TRIP11: variants seen among roughly 807,000 people sequenced by gnomAD.
TRIP11 encodes thyroid hormone receptor interactor 11, also known as thyroid receptor-interacting protein 11.
A neutral mutation model predicts 223.1 loss-of-function variants in TRIP11; 148 were observed. The ratio of observed to expected loss-of-function variants is 0.66; its 90% confidence interval spans 0.58 to 0.76. The LOEUF (loss-of-function observed/expected upper bound fraction) is 0.76. Among genes scored for constraint, TRIP11 ranks in the 30% least tolerant of loss-of-function variants. The pLI, the probability that TRIP11 is intolerant of heterozygous loss-of-function variation, is 0.00. For missense variants in TRIP11, 2,043 were observed against 2,222.0 expected, an observed-to-expected ratio of 0.92 and a Z score of 1.62; for synonymous variants, 762 against 772.6, an observed-to-expected ratio of 0.99 and a Z score of 0.23.
intron 1 of TRIP11, among the ~76,000 whole-genome samples, chr14:92,036,147 T>C (rs1412046543): frequency 6.6e-6 from 1 of 152,202 alleles, no homozygotes; most frequent in Non-Finnish European, 1.5e-5. Context: ...CAAGTTATAA[T>C]CTAATTTGTT....
At chr14:91,990,369 T>C (rs987244817) in intron 15 of TRIP11, among the ~76,000 whole-genome samples, 3 of 152,258 alleles carry the variant, frequency 2.0e-5, no homozygotes, top group African/African-American at 7.2e-5. Flanking sequence ...TTATTCTTTC[T>C]ACCAGTTGTT....
intron 7 of TRIP11, 102 bp downstream of exon 7, chr14:92,014,113 A>G: frequency 1.3e-6 from 2 of 1,485,520 alleles, no homozygotes; most frequent in Non-Finnish European, 1.8e-6. Flanking sequence ...TTCCAGGAAT[A>G]TGCCATTTCC....
At chr14:92,033,720 C>T (rs754129120) in intron 1 of TRIP11, among the ~76,000 whole-genome samples, 5 of 151,980 alleles carry the variant, frequency 3.3e-5, no homozygotes, top group East Asian at 1.9e-4. Flanking sequence ...GAGGGGTGTT[C>T]GGCTGAGTTA....
In TRIP11 at chr14:92,015,615, G is replaced by A. The variant is rs142148918; in HGVS notation, c.823+81C>T. 4.7e-4 allele frequency: 578 copies of A among 1,227,252 alleles called. 1 individual carries two copies. Among genetic ancestry groups the A allele is most frequent in the Middle Eastern group, 1.4e-3 (5 of 3,560 alleles). The allele number at this position is 1,227,252 out of a possible 1,614,324, so 76.0% of individuals were successfully genotyped here. The stretch of plus-strand genomic sequence containing the variant: ...GGAGGTTGCAGTGAGCCGAGATCGC[G>A]CCAGTGCACTCCAGCCTGGGCAACA... On this transcript the variant is annotated intron_variant, in intron 6 of 20. Transcript: ENST00000267622.
rs1401649986 is a variant in TRIP11, at chr14:92,004,495, T to G, written c.3481A>C (p.Asn1161His). 6.2e-6 allele frequency: 10 copies of G among 1,613,294 alleles called. No individual in the cohort carries two copies. Among genetic ancestry groups the G allele is most frequent in the Middle Eastern group, 1.6e-4 (1 of 6,084 alleles). ...GQDMFRETIQNLSRIIREKDI... is the reference protein window; with the variant it reads ...GQDMFRETIQHLSRIIREKDI... ...TTTTCTCGAATGATACGTGATAAAT[T>G]CTGAATAGTTTCTCTAAACATATCT... Residue 1161 changes from asparagine to histidine, a missense_variant, in exon 11 of 21, where the codon AAT becomes CAT. By Grantham distance (68) the Asn-to-His change is moderately conservative. Transcript: ENST00000267622.
At chr14:92,000,580 T>C (rs1297234000) in intron 11 of TRIP11, among the ~76,000 whole-genome samples, 1 of 152,204 alleles carries the variant, frequency 6.6e-6, no homozygotes, top group Admixed American at 6.5e-5. Flanking sequence ...TTTAAAACTA[T>C]TCTAAAAGAA....
chr14:91,970,865 A>G (rs2056393402), intron 20 of TRIP11, among the ~76,000 whole-genome samples: 1 of 152,194 alleles, frequency 6.6e-6, no homozygotes, highest in Non-Finnish European at 1.5e-5. Context: ...CTCTTTACTT[A>G]CCCATCTGAA....
chr14:91,975,234 G>T lies in TRIP11; in HGVS notation c.5395C>A (p.Arg1799Ser). 3 of 1,613,662 alleles carry T rather than the reference G, an allele frequency of 1.9e-6. No individual in the cohort carries two copies. The highest frequency in any genetic ancestry group is 2.5e-6 in the Non-Finnish European group (3 of 1,179,772). Residue 1799 changes from arginine to serine, a missense_variant, in exon 18 of 21, where the codon CGT becomes AGT. Coordinates refer to ENST00000267622, the MANE Select transcript of TRIP11 (RefSeq NM_004239.4). ...CCCATTAACCGTAACACTTCATGAC[G>T]CTGATTTTTCGGTGTGTGGAAATGA... ...IGHFHTPKNQ[R>S]HEVLRLMGSI...
chr14:92,002,658 C>T (rs895676668), intron 11 of TRIP11, among the ~76,000 whole-genome samples: 2 of 151,664 alleles, frequency 1.3e-5, no homozygotes, highest in African/African-American at 4.9e-5. Flanking sequence ...CTCACTGCAA[C>T]CTCTGCCTCC....
rs750841314 is a variant in TRIP11 at position 92,011,776 on chromosome 14, CATT to C, written c.1203_1205del (p.Ile401del). 6 of 1,611,940 alleles carry C rather than the reference CATT, an allele frequency of 3.7e-6. No homozygotes were observed. Among genetic ancestry groups the C allele is most frequent in the Non-Finnish European group, 2.5e-6 (3 of 1,179,356 alleles). On this transcript the variant is annotated inframe_deletion, in exon 8 of 21. Transcript: ENST00000267622. Reference sequence around the variant, plus strand: ...TTACCTGGTTTAAACTACTCAATCTCATTATTTCATTTTCGGCATCTGTAAAAA... The same window carrying C: ...TTACCTGGTTTAAACTACTCAATCTCATTTCATTTTCGGCATCTGTAAAAA...
intron 17 of TRIP11, 114 bp from the exon 18 acceptor site, chr14:91,975,400 G>A: frequency 1.8e-6 from 1 of 571,016 alleles, no homozygotes; most frequent in Non-Finnish European, 2.9e-6. Flanking sequence ...TTATAAAAAA[G>A]TCTAAACAAA....
chr14:91,971,739 A>C (rs2056402979), intron 20 of TRIP11, among the ~76,000 whole-genome samples: 2 of 152,200 alleles, frequency 1.3e-5, no homozygotes, highest in African/African-American at 2.4e-5. Context: ...CTCTTAGATA[A>C]AGTTATGACT....
At chr14:91,980,569 C>T (rs1333819433) in intron 16 of TRIP11, among the ~76,000 whole-genome samples, 1 of 152,166 alleles carries the variant, frequency 6.6e-6, no homozygotes, top group African/African-American at 2.4e-5. Context: ...CTACATAAAG[C>T]ATTAGTACTT....
rs1289274221 is a variant in TRIP11 at position 92,037,142 on chromosome 14, G to A, written c.139+2405C>T. 6.6e-6 allele frequency among the ~76,000 whole-genome samples: 1 copy of A among 152,212 alleles called. No individual in the cohort carries two copies. Among genetic ancestry groups the A allele is most frequent in the African/African-American group, 2.4e-5 (1 of 41,438 alleles). ...AGCAACTTTGCAGATTTCTAATCAC[G>A]CACTTGTGCCATTTTTATTGAGCAT... On this transcript the variant is annotated intron_variant, in intron 1 of 20. Transcript: ENST00000267622. The surrounding 1 kb of genome is among the most constrained non-coding windows in gnomAD (Gnocchi z 4.2).
chr14:91,986,450 C>T (rs1334438714), intron 16 of TRIP11, among the ~76,000 whole-genome samples: 1 of 152,152 alleles, frequency 6.6e-6, no homozygotes, highest in Non-Finnish European at 1.5e-5. Context: ...AGCATCATGT[C>T]ACCTTTCAAA....
chr14:92,038,066 G>A (rs1213167179), intron 1 of TRIP11, among the ~76,000 whole-genome samples: 7 of 152,114 alleles, frequency 4.6e-5, no homozygotes, highest in Non-Finnish European at 1.0e-4. Context: ...TAAAGCAAAG[G>A]ACAATTCTGG....
intron 11 of TRIP11, among the ~76,000 whole-genome samples, chr14:92,000,736 T>C (rs4904830): frequency 0.52 from 78,892 of 152,106 alleles, 21,611 homozygotes; most frequent in African/African-American, 0.7. Flanking sequence ...ATTCATAAAG[T>C]ATCCACAATT....
chr14:92,001,371 T>A (rs1316209075), intron 11 of TRIP11, among the ~76,000 whole-genome samples: 1 of 139,624 alleles, frequency 7.2e-6, no homozygotes, highest in Non-Finnish European at 1.6e-5. Context: ...CCAAATAGTT[T>A]TTCAGTTTTT....
chr14:92,007,679 C>G lies in TRIP11; in HGVS notation c.1488G>C (p.Glu496Asp). The G allele has an allele frequency of 6.2e-7, 1 of 1,613,582 alleles. No individual in the cohort carries two copies. Among genetic ancestry groups the G allele is most frequent in the Non-Finnish European group, 8.5e-7 (1 of 1,179,950 alleles). The change falls in exon 10 of 21, where the codon GAG becomes GAC. Residue 496 changes from glutamate to aspartate, a missense_variant. Transcript: ENST00000267622. ...SISEKETLIA[E>D]IEELDRQNQE... ...GATTCTGTCTGTCCAATTCTTCTAT[C>G]TCAGCTATCAGTGTTTCCTTTTCAC...
Sources: allele counts gnomAD v4.1 joint callset (sites outside exome capture counted in the v4.1 genomes callset), GRCh38; gene constraint gnomAD v4.1.1; non-coding constraint Gnocchi (gnomAD v3.1); transcripts MANE v1.5; gene names NCBI Gene and HGNC (gene_info 2026-07-23, HGNC 2026-07-21).